Variants in MICU1 observed in about 807,000 individuals in gnomAD.
MICU1 encodes mitochondrial calcium uptake 1, also known as calcium uptake protein 1, mitochondrial.
In MICU1, 45 loss-of-function variants were observed where a neutral mutation model predicts 56.8. The observed-to-expected ratio is 0.79, with a 90% CI of 0.62 to 1.02. The LOEUF (loss-of-function observed/expected upper bound fraction) is 1.02. MICU1 is among the 50% of genes least tolerant of loss of function. MICU1 has a pLI of 0.00. For missense variants in MICU1, 504 were observed against 587.1 expected, an observed-to-expected ratio of 0.86 and a Z score of 1.46; for synonymous variants, 186 against 195.1, an observed-to-expected ratio of 0.95 and a Z score of 0.39.
At chr10:72,500,276 ATATATATATATATATATATATATATATT>A (rs1866992720) in intron 6 of MICU1, among the ~76,000 whole-genome samples, 1 of 11,542 alleles carries the variant, frequency 8.7e-5, no homozygotes, top group Admixed American at 6.9e-4. Context: ...ATATATATAT[ATATATATATATATATATATATATATATT>A]TTTTTTTTTT....
chr10:72,580,448 G>A (rs1186972044), intron 1 of MICU1, among the ~76,000 whole-genome samples: 1 of 146,004 alleles, frequency 6.8e-6, no homozygotes, highest in Admixed American at 7.1e-5. Context: ...AGCTTTTGCT[G>A]ATTTATTTAT....
chr10:72,491,221 ATAATTTGTTATTCTCCTAAGTCTGT>A, intron 6 of MICU1, among the ~76,000 whole-genome samples: 1 of 152,198 alleles, frequency 6.6e-6, no homozygotes, highest in Non-Finnish European at 1.5e-5. Context: ...GCCCCAATAG[ATAATTTGTTATTCTCCTAAGTCTGT>A]AAGCCAATTT....
At chr10:72,532,262 G>A (rs1839507536) in intron 5 of MICU1, among the ~76,000 whole-genome samples, 1 of 151,486 alleles carries the variant, frequency 6.6e-6, no homozygotes, top group Admixed American at 6.6e-5. Flanking sequence ...AGCTTGCAGT[G>A]AGCCGAGATT....
chr10:72,477,728 G>T (rs968071343), intron 6 of MICU1: 11 of 597,882 alleles, frequency 1.8e-5, no homozygotes, highest in Non-Finnish European at 2.0e-5. Context: ...TCTCTTTGTT[G>T]TAAGTGCAGT....
intron 4 of MICU1, among the ~76,000 whole-genome samples, chr10:72,541,439 A>C (rs968680861): frequency 6.6e-6 from 1 of 152,152 alleles, no homozygotes; most frequent in African/African-American, 2.4e-5. Context: ...TCTAAGATTG[A>C]TCTTTTGAGA....
chr10:72,469,856 C>T (rs1865898753), intron 8 of MICU1, among the ~76,000 whole-genome samples: 1 of 152,146 alleles, frequency 6.6e-6, no homozygotes, highest in Non-Finnish European at 1.5e-5. Flanking sequence ...AGATGACTGC[C>T]TTCTGGCTGC....
chr10:72,435,385 CAAAAAAAAAAAAAAAA>C (rs34955776), intron 8 of MICU1, among the ~76,000 whole-genome samples: 3 of 48,060 alleles, frequency 6.2e-5, no homozygotes, highest in Admixed American at 2.5e-4. Flanking sequence ...GACCCTGTTA[CAAAAAAAAAAAAAAAA>C]AAAAAAAAAA....
intron 6 of MICU1, among the ~76,000 whole-genome samples, chr10:72,498,134 TAGG>T (rs2132320431): frequency 6.6e-6 from 1 of 152,352 alleles, no homozygotes; most frequent in Non-Finnish European, 1.5e-5. Context: ...TGAGATATCC[TAGG>T]AGAAGGATAA....
At chr10:72,466,566 C>CAT (rs1564886081) in intron 8 of MICU1, among the ~76,000 whole-genome samples, 1 of 152,146 alleles carries the variant, frequency 6.6e-6, no homozygotes, top group Non-Finnish European at 1.5e-5. Context: ...TGTCATTGAA[C>CAT]ATATCATTTT....
At chr10:72,622,077 G>T (rs1384905377) in intron 1 of MICU1, among the ~76,000 whole-genome samples, 1 of 151,734 alleles carries the variant, frequency 6.6e-6, no homozygotes, top group African/African-American at 2.4e-5. Context: ...CACCACACTC[G>T]GCTAATTTTT....
chr10:72,548,401 G>A (rs1839948321), intron 4 of MICU1, among the ~76,000 whole-genome samples: 1 of 152,110 alleles, frequency 6.6e-6, no homozygotes, highest in African/African-American at 2.4e-5. Context: ...AACAGTGCCT[G>A]GATATTTGCT....
At chr10:72,501,681 T>C (rs1340219725) in intron 6 of MICU1, 2 of 152,122 alleles carry the variant, frequency 1.3e-5, no homozygotes, top group Admixed American at 1.3e-4. Context: ...GTGTGTTGTA[T>C]GAGTGAAATG....
chr10:72,621,536 T>G (rs1258368202), intron 1 of MICU1, among the ~76,000 whole-genome samples: 4 of 152,058 alleles, frequency 2.6e-5, no homozygotes. Context: ...GTTTCTATAC[T>G]AACAGATTTT....
At chr10:72,393,339 T>C (rs763465243) in intron 10 of MICU1, among the ~76,000 whole-genome samples, 7 of 152,188 alleles carry the variant, frequency 4.6e-5, no homozygotes, top group African/African-American at 1.2e-4. Context: ...TACAGGATGA[T>C]GGAACTACTT....
intron 1 of MICU1, among the ~76,000 whole-genome samples, chr10:72,614,606 A>G (rs967559036): frequency 1.3e-5 from 2 of 152,236 alleles, no homozygotes; most frequent in Non-Finnish European, 2.9e-5. Context: ...AAATTCTAGC[A>G]TATGCTACAA....
intron 8 of MICU1, among the ~76,000 whole-genome samples, chr10:72,446,400 G>A (rs1163763667): frequency 8.6e-5 from 13 of 151,446 alleles, no homozygotes; most frequent in South Asian, 4.2e-4. Context: ...GTGTGATCTC[G>A]GCTCACTCCA....
At chr10:72,378,249 T>C (rs1862590559) in intron 10 of MICU1, among the ~76,000 whole-genome samples, 1 of 152,042 alleles carries the variant, frequency 6.6e-6, no homozygotes, top group Non-Finnish European at 1.5e-5. Context: ...CGGGACTCTG[T>C]CTCACAAAAG....
At chr10:72,578,294 A>G (rs1209767040) in intron 1 of MICU1, among the ~76,000 whole-genome samples, 1 of 151,964 alleles carries the variant, frequency 6.6e-6, no homozygotes, top group Admixed American at 6.6e-5. Flanking sequence ...GTCTCACTCT[A>G]TCACCCAAGT....
At chr10:72,424,157 G>C (rs974912274) in intron 8 of MICU1, among the ~76,000 whole-genome samples, 1 of 150,314 alleles carries the variant, frequency 6.7e-6, no homozygotes, top group Non-Finnish European at 1.5e-5. Flanking sequence ...TCATCATCCA[G>C]GCTGGAGTGC....
Sources: gnomAD v4.1 joint callset for allele counts (sites outside exome capture counted in the v4.1 genomes callset) on GRCh38, gnomAD v4.1.1 for gene constraint, MANE v1.5 for transcripts, NCBI Gene and HGNC (gene_info 2026-07-23, HGNC 2026-07-21) for gene names.